Variants in DGKB observed in about 807,000 individuals in gnomAD.
DGKB encodes diacylglycerol kinase beta, also known as 90 kDa diacylglycerol kinase.
Under a neutral mutation model 114.3 loss-of-function variants are expected in DGKB, and 67 were observed. The observed-to-expected ratio is 0.59, with a 90% confidence interval of 0.48 to 0.72. The LOEUF is 0.72. DGKB is among the 30% of genes least tolerant of loss of function. The probability of loss-of-function intolerance (pLI) is 0.00; values close to 1 mark genes in which losing one functional copy is unlikely to be tolerated. For synonymous variants in DGKB, 398 were observed against 323.1 expected, an observed-to-expected ratio of 1.23 and a Z score of -2.49; for missense variants, 907 against 975.2, an observed-to-expected ratio of 0.93 and a Z score of 0.93.
At chr7:14,693,298 A>C (rs552573086) in intron 9 of DGKB, among the ~76,000 whole-genome samples, 1 of 152,266 alleles carries the variant, frequency 6.6e-6, no homozygotes, top group South Asian at 2.1e-4. Context: ...CTGAATTTAA[A>C]AATCTGGCAT....
Position 14,540,019 on chromosome 7 carries a change from T to C in DGKB, c.1770+34193A>G, listed in dbSNP as rs540879265. On this transcript the variant is annotated intron_variant, in intron 20 of 25. Coordinates refer to ENST00000402815, the MANE Select transcript of DGKB (RefSeq NM_001350709.2). Reference sequence around the variant, plus strand: ...TTTTTCTCATTTATATACTACTCATTTGTGGACTTATCACATCATTTATTT... The same window carrying C: ...TTTTTCTCATTTATATACTACTCATCTGTGGACTTATCACATCATTTATTT... Among the ~76,000 whole-genome samples the C allele has an allele frequency of 7.2e-5, 11 of 152,196 alleles. No individual in the cohort carries two copies. The East Asian group carries it at 1.7e-3, about 24-fold the overall frequency.
At chr7:14,681,159 G>A (rs1820759642) in intron 12 of DGKB, among the ~76,000 whole-genome samples, 1 of 151,698 alleles carries the variant, frequency 6.6e-6, no homozygotes, top group Admixed American at 6.6e-5. Context: ...TTTTAAAAAT[G>A]AAGTAGTTAT....
intron 20 of DGKB, among the ~76,000 whole-genome samples, chr7:14,542,184 C>T (rs1173934467): frequency 4.0e-5 from 6 of 151,716 alleles, no homozygotes; most frequent in African/African-American, 1.5e-4. Context: ...TATTTATTAT[C>T]ATTATTATTA....
intron 20 of DGKB, among the ~76,000 whole-genome samples, chr7:14,559,239 T>C (rs936933714): frequency 1.3e-5 from 2 of 152,232 alleles, no homozygotes; most frequent in South Asian, 2.1e-4. Context: ...TAAAATCAAT[T>C]ATTTTTCCTT....
intron 22 of DGKB, among the ~76,000 whole-genome samples, chr7:14,339,407 A>T (rs1030315611): frequency 6.6e-6 from 1 of 151,940 alleles, no homozygotes; most frequent in Non-Finnish European, 1.5e-5. Flanking sequence ...CCTTCAATCC[A>T]GCATGACTTT....
chr7:14,462,648 T>C (rs1319190511), intron 21 of DGKB, among the ~76,000 whole-genome samples: 1 of 152,190 alleles, frequency 6.6e-6, no homozygotes, highest in Non-Finnish European at 1.5e-5. Flanking sequence ...ATCAATATCA[T>C]GAAAATGGCC....
chr7:14,607,211 G>C (rs1020571845), intron 17 of DGKB, among the ~76,000 whole-genome samples: 6 of 151,092 alleles, frequency 4.0e-5, no homozygotes, highest in African/African-American at 1.5e-4. Context: ...GTACAATAAG[G>C]AGCATTACTT....
intron 21 of DGKB, among the ~76,000 whole-genome samples, chr7:14,367,969 T>C (rs1013702748): frequency 6.6e-6 from 1 of 152,086 alleles, no homozygotes; most frequent in African/African-American, 2.4e-5. Flanking sequence ...GAGATGAGAT[T>C]TGGGTGGGGA....
Position 14,422,166 on chromosome 7 carries a change from A to G in DGKB, c.1835+55995T>C, listed in dbSNP as rs150845467. On this transcript the variant is annotated intron_variant, in intron 21 of 25. Coordinates refer to ENST00000402815, the MANE Select transcript of DGKB (RefSeq NM_001350709.2). ...TTAACCTAAAAGGAAAAATACAATT[A>G]AATTTAGTCTCCTTTCAATTGTTTC... 5.4e-3 allele frequency among the ~76,000 whole-genome samples: 815 copies of G among 152,196 alleles called. 4 individuals carry two copies. Among genetic ancestry groups the G allele is most frequent in the African/African-American group, 0.018 (755 of 41,560 alleles).
At chr7:14,457,084 A>C (rs185929828) in intron 21 of DGKB, among the ~76,000 whole-genome samples, 1 of 152,196 alleles carries the variant, frequency 6.6e-6, no homozygotes. Context: ...AATATATTTC[A>C]TATCAGCTTT....
At chr7:14,452,004 T>C (rs1475384621) in intron 21 of DGKB, among the ~76,000 whole-genome samples, 4 of 152,182 alleles carry the variant, frequency 2.6e-5, no homozygotes, top group Admixed American at 1.3e-4. Context: ...AAGAGAATTT[T>C]TGACTCTTTT....
At chr7:14,216,950 T>G (rs1789082848) in intron 23 of DGKB, among the ~76,000 whole-genome samples, 1 of 152,122 alleles carries the variant, frequency 6.6e-6, no homozygotes. Flanking sequence ...AGTTTATCAG[T>G]TTTTATGTAG....
At chr7:14,426,266 T>C (rs1005367940) in intron 21 of DGKB, among the ~76,000 whole-genome samples, 11 of 152,168 alleles carry the variant, frequency 7.2e-5, no homozygotes, top group East Asian at 5.8e-4. Context: ...TTGCTATTTA[T>C]GTATAAAGGA....
At chr7:14,599,356 C>G (rs1452597620) in intron 17 of DGKB, among the ~76,000 whole-genome samples, 1 of 152,212 alleles carries the variant, frequency 6.6e-6, no homozygotes, top group Non-Finnish European at 1.5e-5. Flanking sequence ...TAGTAGCTTT[C>G]TGACATCCGA....
intron 23 of DGKB, among the ~76,000 whole-genome samples, chr7:14,249,808 T>C (rs1458691877): frequency 6.6e-6 from 1 of 152,122 alleles, no homozygotes; most frequent in Non-Finnish European, 1.5e-5. Context: ...TTTAAAATCA[T>C]TTTCTCATGT....
intron 23 of DGKB, among the ~76,000 whole-genome samples, chr7:14,213,796 GATACAGTTTACCCTCTCATC>G (rs1221539902): frequency 6.6e-6 from 1 of 152,106 alleles, no homozygotes; most frequent in Non-Finnish European, 1.5e-5. Context: ...TGGTGACGGT[GATACAGTTTACCCTCTCATC>G]ATACAAGTCT....
rs1020726665 is a variant in DGKB at position 14,286,255 on chromosome 7, C to T, written c.2122+52260G>A. On this transcript the variant is annotated intron_variant, in intron 23 of 25. Transcript: ENST00000402815. ...AGGGCTATGTCATTTCACTTCCTAT[C>T]CGTCTGAAAAATGTGCCTCACTGAG... 8.5e-5 allele frequency among the ~76,000 whole-genome samples: 13 copies of T among 152,214 alleles called. No homozygotes were observed. The East Asian group carries it at 2.5e-3, about 29-fold the overall frequency.
rs74356947 is a variant in DGKB, at chr7:14,835,663, G to C, written c.70+5531C>G. Among the ~76,000 whole-genome samples the C allele has an allele frequency of 7.0e-3, 1,065 of 152,164 alleles. 9 individuals are homozygous for C. The highest frequency in any genetic ancestry group is 0.011 in the Non-Finnish European group (779 of 68,002). ...ATCTAAATTTGCCTAAAAATAAATT[G>C]ACTACACACCTGTGAGGAGGTCAAG... On this transcript the variant is annotated intron_variant, in intron 2 of 25. Transcript: ENST00000402815.
intron 20 of DGKB, among the ~76,000 whole-genome samples, chr7:14,556,761 T>G (rs1422353629): frequency 6.6e-6 from 1 of 152,218 alleles, no homozygotes; most frequent in Non-Finnish European, 1.5e-5. Flanking sequence ...TGTCTGCTAT[T>G]GTTGCATTTA....
Sources: allele counts gnomAD v4.1 joint callset (sites outside exome capture counted in the v4.1 genomes callset), GRCh38; gene constraint gnomAD v4.1.1; transcripts MANE v1.5; gene names NCBI Gene and HGNC (gene_info 2026-07-23, HGNC 2026-07-21).